VPS8: variants seen among roughly 807,000 people sequenced by gnomAD.
VPS8 encodes VPS8 subunit of CORVET complex, also known as vacuolar protein sorting-associated protein 8 homolog.
A neutral mutation model predicts 216.4 loss-of-function variants in VPS8; 129 were observed. The ratio of observed to expected loss-of-function variants is 0.60; its 90% confidence interval spans 0.52 to 0.69. VPS8 has a LOEUF of 0.69. Among genes scored for constraint, VPS8 ranks in the 30% least tolerant of loss-of-function variants. The pLI, the probability that VPS8 is intolerant of heterozygous loss-of-function variation, is 0.00. For missense variants in VPS8, 1,531 were observed against 1,683.5 expected (o/e 0.91, Z 1.59); for synonymous variants, 571 against 565.4 (o/e 1.01, Z -0.14).
chr3:185,020,853 A>G (rs980005988), intron 45 of VPS8, among the ~76,000 whole-genome samples: 3 of 152,214 alleles, frequency 2.0e-5, no homozygotes, highest in Non-Finnish European at 2.9e-5. Context: ...TGGGTGGATT[A>G]TCTGAGGTCA....
intron 45 of VPS8, among the ~76,000 whole-genome samples, chr3:185,022,311 T>C (rs1364810808): frequency 6.6e-6 from 1 of 152,188 alleles, no homozygotes; most frequent in African/African-American, 2.4e-5. Flanking sequence ...CACAGGAATT[T>C]CTTAATAGCA....
intron 11 of VPS8, 45 bp downstream of exon 11, chr3:184,852,612 C>T (rs1280819323): frequency 6.4e-7 from 1 of 1,565,290 alleles, no homozygotes; most frequent in South Asian, 1.1e-5. Flanking sequence ...AAGACTAGCT[C>T]TGTTTTAATG....
chr3:184,955,020 C>A (rs1422028447), intron 36 of VPS8, among the ~76,000 whole-genome samples: 8 of 152,158 alleles, frequency 5.3e-5, no homozygotes, highest in Non-Finnish European at 1.0e-4. Context: ...CTGTCACGCC[C>A]ACATAAGGGC....
chr3:184,824,531 C>CT lies in VPS8; in HGVS notation c.-88-7dup, dbSNP rs1560265473. The CT allele has an allele frequency of 8.5e-6, 11 of 1,291,298 alleles. No individual in the cohort carries two copies. The Admixed American group carries it at 2.0e-4, about 24-fold the overall frequency. The allele number at this position is 1,291,298 out of a possible 1,614,324, so 80.0% of individuals were successfully genotyped here. Reference sequence around the variant, plus strand: ...TGTTTTGTTTTGTTTTTGTTTTTTTCTTTTTTTGAAAAGAGATAATCATTC... The same window carrying CT: ...TGTTTTGTTTTGTTTTTGTTTTTTTCTTTTTTTTGAAAAGAGATAATCATTC... On this transcript the variant is annotated splice_polypyrimidine_tract_variant and intron_variant, in intron 1 of 47. Coordinates refer to ENST00000625842, the MANE Select transcript of VPS8 (RefSeq NM_001009921.3).
chr3:185,017,560 C>T (rs533585188), intron 45 of VPS8, among the ~76,000 whole-genome samples: 84 of 152,340 alleles, frequency 5.5e-4, no homozygotes, highest in Non-Finnish European at 1.1e-3. Flanking sequence ...ATTTGAATTT[C>T]CTCATTGTAA....
rs934527674 is a variant in VPS8, at chr3:184,812,211, T to C, written c.-103T>C. ...GTGGGCCGGCGGTCCACGGCCGGAATGGCAGCAAGCTCAGGTAACGAGTTT... is the reference window on the plus strand; with the variant it reads ...GTGGGCCGGCGGTCCACGGCCGGAACGGCAGCAAGCTCAGGTAACGAGTTT... On this transcript the variant is annotated 5_prime_UTR_variant, in exon 1 of 48. It removes an upstream start codon present in the reference 5' UTR. Coordinates refer to ENST00000625842, the MANE Select transcript of VPS8 (RefSeq NM_001009921.3). 1 of 152,456 alleles carries C rather than the reference T, an allele frequency of 6.6e-6. No individual in the cohort carries two copies. Among genetic ancestry groups the C allele is most frequent in the East Asian group, 1.9e-4 (1 of 5,196 alleles). 9.4% of individuals were successfully genotyped at this position (152,456 alleles called of 1,614,324 possible). A position where few individuals can be genotyped will look rare whatever the true frequency, so the allele number is the denominator to read the frequency against.
intron 28 of VPS8, among the ~76,000 whole-genome samples, chr3:184,916,274 GA>G (rs1331236196): frequency 2.0e-5 from 3 of 152,174 alleles, no homozygotes; most frequent in African/African-American, 7.2e-5. Context: ...GGAGTAATTA[GA>G]TATAATGTAT....
In VPS8 at chr3:184,962,017, C is replaced by T. The variant is rs546526391; in HGVS notation, c.3184-2451C>T. 2.0e-5 allele frequency among the ~76,000 whole-genome samples: 3 copies of T among 152,310 alleles called. No individual in the cohort carries two copies. In the East Asian group the frequency reaches 5.8e-4, roughly 29 times the overall value. On this transcript the variant is annotated intron_variant, in intron 37 of 47. Transcript: ENST00000625842. ...CCTCAAGAGATCCGCCCACCTTGGC[C>T]TCCCAAAGTTCTGGGATTACTGGCG...
chr3:184,850,756 G>A (rs1325041926), intron 10 of VPS8, among the ~76,000 whole-genome samples: 1 of 152,184 alleles, frequency 6.6e-6, no homozygotes, highest in Non-Finnish European at 1.5e-5. Flanking sequence ...ACATTTTGTT[G>A]CTTAGCTCTG....
chr3:184,894,618 A>G, intron 22 of VPS8, 85 bp from the exon 23 acceptor site: 1 of 1,060,060 alleles, frequency 9.4e-7, no homozygotes, highest in Non-Finnish European at 1.4e-6. Context: ...TGAAGTAGGG[A>G]AAAGATGAGA....
At chr3:185,003,857 G>A (rs1339155523) in intron 45 of VPS8, among the ~76,000 whole-genome samples, 1 of 152,102 alleles carries the variant, frequency 6.6e-6, no homozygotes, top group Non-Finnish European at 1.5e-5. Context: ...CGGCCGGGCA[G>A]AGACGCTCCT....
At chr3:184,905,526 A>T (rs1191122266) in intron 25 of VPS8, among the ~76,000 whole-genome samples, 3 of 150,836 alleles carry the variant, frequency 2.0e-5, no homozygotes, top group Non-Finnish European at 4.4e-5. Context: ...TGATCTTTTC[A>T]TAGAATCAAT....
chr3:185,033,210 A>T (rs1352048201), intron 46 of VPS8, among the ~76,000 whole-genome samples: 1 of 152,216 alleles, frequency 6.6e-6, no homozygotes, highest in Non-Finnish European at 1.5e-5. Flanking sequence ...TGATAAATGT[A>T]TAATGAAATG....
At position 184,853,841 on chromosome 3, in the gene VPS8, C is replaced by T. The variant is rs2108675370; in HGVS notation, c.822-16C>T. The T allele has an allele frequency of 1.3e-6, 2 of 1,555,890 alleles. 1 individual carries two copies. The highest frequency in any genetic ancestry group is 2.4e-5 in the South Asian group (2 of 84,434). ...CATTGCTAAATTGATTCTGAATTTT[C>T]AAATTGCATTTTCAGGAGAGTGATG... is the stretch of plus-strand genomic sequence containing the variant. On this transcript the variant is annotated splice_polypyrimidine_tract_variant and intron_variant, in intron 11 of 47. Coordinates refer to ENST00000625842, the MANE Select transcript of VPS8 (RefSeq NM_001009921.3).
chr3:184,931,750 C>A (rs75330944), intron 34 of VPS8, among the ~76,000 whole-genome samples: 1 of 152,016 alleles, frequency 6.6e-6, no homozygotes, highest in Non-Finnish European at 1.5e-5. Context: ...TAAAATAACC[C>A]AACAAGTCAT....
chr3:184,926,567 A>G, intron 30 of VPS8, 27 bp from the exon 31 acceptor site: 1 of 1,563,746 alleles, frequency 6.4e-7, no homozygotes, highest in Non-Finnish European at 8.7e-7. Flanking sequence ...GCTGATATCA[A>G]ATAAAAAATA....
At chr3:184,952,066 A>G (rs537132702) in intron 36 of VPS8, among the ~76,000 whole-genome samples, 32 of 152,364 alleles carry the variant, frequency 2.1e-4, no homozygotes, top group African/African-American at 2.9e-4. Context: ...ATAGTCTTGC[A>G]TTTATAAGAC....
At chr3:184,915,196 A>G (rs996821246) in intron 27 of VPS8, 143 bp downstream of exon 27, 10 of 1,331,392 alleles carry the variant, frequency 7.5e-6, no homozygotes, top group African/African-American at 4.4e-5. Context: ...ACTAAAGTCA[A>G]TAATTAGAGC....
chr3:185,034,935 A>T (rs981005550), intron 46 of VPS8, among the ~76,000 whole-genome samples: 3 of 152,198 alleles, frequency 2.0e-5, no homozygotes, highest in Non-Finnish European at 4.4e-5. Flanking sequence ...GATCCCACAG[A>T]AATAGAAAAG....
Sources: gnomAD v4.1 joint callset for allele counts (sites outside exome capture counted in the v4.1 genomes callset) on GRCh38, gnomAD v4.1.1 for gene constraint, MANE v1.5 for transcripts, NCBI Gene and HGNC (gene_info 2026-07-23, HGNC 2026-07-21) for gene names.